The following PACRG variants were observed in gnomAD, a reference collection of about 807,000 sequenced individuals.
PACRG encodes the protein parkin coregulated gene protein.
Under a neutral mutation model 29.7 loss-of-function variants are expected in PACRG, and 29 were observed. The ratio of observed to expected loss-of-function variants is 0.98; its 90% CI spans 0.73 to 1.33. PACRG has a LOEUF of 1.33. PACRG is among the 40% of genes most tolerant of loss of function. The probability of loss-of-function intolerance (pLI) is 0.00; values close to 1 mark genes in which losing one functional copy is unlikely to be tolerated. For missense variants in PACRG, 279 were observed against 316.2 expected (o/e 0.88, Z 0.89); for synonymous variants, 116 against 118.7 (o/e 0.98, Z 0.15).
At chr6:162,944,174 C>T (rs1265668353) in intron 2 of PACRG, among the ~76,000 whole-genome samples, 4 of 152,198 alleles carry the variant, frequency 2.6e-5, no homozygotes, top group Admixed American at 2.0e-4. Flanking sequence ...CTAGTAATAA[C>T]TACCGTAAGC....
chr6:162,974,641 T>C (rs1298470873), intron 2 of PACRG, among the ~76,000 whole-genome samples: 1 of 152,246 alleles, frequency 6.6e-6, no homozygotes, highest in African/African-American at 2.4e-5. Flanking sequence ...CTGTTTCCTA[T>C]TGACATGCAT....
intron 4 of PACRG, among the ~76,000 whole-genome samples, chr6:163,134,968 T>A: frequency 6.6e-6 from 1 of 152,286 alleles, no homozygotes; most frequent in South Asian, 2.1e-4. Flanking sequence ...CTCCCTACTC[T>A]GAGGTGATGA....
At chr6:162,958,795 CATAT>C (rs1272816852) in intron 2 of PACRG, among the ~76,000 whole-genome samples, 4 of 141,862 alleles carry the variant, frequency 2.8e-5, no homozygotes, top group South Asian at 2.3e-4. Context: ...TATACACACA[CATAT>C]ATATAGCATA....
intron 1 of PACRG, among the ~76,000 whole-genome samples, chr6:162,732,367 T>A (rs1779837632): frequency 6.6e-6 from 1 of 152,172 alleles, no homozygotes; most frequent in South Asian, 2.1e-4. Flanking sequence ...TATGAGGGCA[T>A]GTCCCAGAAA....
chr6:163,085,334 G>A (rs1025373313), intron 3 of PACRG, among the ~76,000 whole-genome samples: 3 of 152,162 alleles, frequency 2.0e-5, no homozygotes, highest in African/African-American at 7.2e-5. Context: ...CTTAAGGAGT[G>A]GGATGGGAAG....
chr6:162,825,209 G>T (rs1442429754), intron 2 of PACRG, among the ~76,000 whole-genome samples: 6 of 151,964 alleles, frequency 3.9e-5, no homozygotes, highest in African/African-American at 1.5e-4. Context: ...GTTCTACTCT[G>T]TACTTTGAAA....
At chr6:162,926,302 AC>A in intron 2 of PACRG, among the ~76,000 whole-genome samples, 2 of 152,274 alleles carry the variant, frequency 1.3e-5, no homozygotes, top group Middle Eastern at 6.8e-3. Context: ...TAGAAAAAAA[AC>A]TACTTTAAAA....
chr6:163,032,400 G>A (rs1012413676), intron 2 of PACRG, among the ~76,000 whole-genome samples: 1 of 152,092 alleles, frequency 6.6e-6, no homozygotes, highest in Non-Finnish European at 1.5e-5. Flanking sequence ...GCATTCAAGA[G>A]CACCTGTCAA....
At chr6:162,870,200 A>T (rs1792680785) in intron 2 of PACRG, among the ~76,000 whole-genome samples, 1 of 152,218 alleles carries the variant, frequency 6.6e-6, no homozygotes, top group Non-Finnish European at 1.5e-5. Flanking sequence ...TATTTTTCAC[A>T]TGCAGGGAAT....
intron 2 of PACRG, among the ~76,000 whole-genome samples, chr6:162,884,884 A>T (rs186209929): frequency 6.6e-6 from 1 of 152,316 alleles, no homozygotes; most frequent in East Asian, 1.9e-4. Context: ...GCCCAAGCTC[A>T]TCTATTAGCA....
chr6:163,168,668 G>C (rs1030097551), intron 4 of PACRG, among the ~76,000 whole-genome samples: 1 of 152,182 alleles, frequency 6.6e-6, no homozygotes, highest in Non-Finnish European at 1.5e-5. Flanking sequence ...CTGAGACTGA[G>C]TGTGGGTTTT....
At chr6:163,265,418 G>A (rs565246413) in intron 4 of PACRG, among the ~76,000 whole-genome samples, 4 of 152,232 alleles carry the variant, frequency 2.6e-5, no homozygotes, top group Non-Finnish European at 4.4e-5. Flanking sequence ...GGCACTCTTC[G>A]GGCCCGTGGG....
intron 2 of PACRG, among the ~76,000 whole-genome samples, chr6:162,818,014 C>CT (rs911952798): frequency 1.5e-4 from 23 of 151,052 alleles, no homozygotes; most frequent in Admixed American, 2.6e-4. Flanking sequence ...CCAGGAATAG[C>CT]TTTTTTTTTA....
chr6:162,872,086 T>C (rs116338678), intron 2 of PACRG, among the ~76,000 whole-genome samples: 1,817 of 152,344 alleles, frequency 0.012, 36 homozygotes, highest in African/African-American at 0.042. Context: ...TGTGACATTA[T>C]GTTTTCCATC....
chr6:162,822,655 A>C (rs1364581888), intron 2 of PACRG, among the ~76,000 whole-genome samples: 1 of 152,122 alleles, frequency 6.6e-6, no homozygotes, highest in East Asian at 1.9e-4. Flanking sequence ...CTCTCTGTTC[A>C]TTCATAGTTT....
At chr6:163,196,702 A>C (rs2128364737) in intron 4 of PACRG, among the ~76,000 whole-genome samples, 1 of 152,338 alleles carries the variant, frequency 6.6e-6, no homozygotes, top group Admixed American at 6.5e-5. Flanking sequence ...AAATAAACAG[A>C]TACATGTGCA....
intron 1 of PACRG, among the ~76,000 whole-genome samples, chr6:162,755,674 T>C (rs1429445047): frequency 6.6e-6 from 1 of 152,172 alleles, no homozygotes; most frequent in Non-Finnish European, 1.5e-5. Flanking sequence ...TGACCTCAAA[T>C]GGTCCACCCA....
chr6:162,906,686 T>TCAAAAGAC (rs1473300026), intron 2 of PACRG, among the ~76,000 whole-genome samples: 6 of 152,218 alleles, frequency 3.9e-5, no homozygotes, highest in African/African-American at 7.2e-5. Context: ...TACAGGCATC[T>TCAAAAGAC]CAAAAGACGT....
intron 2 of PACRG, chr6:162,957,351 G>T: frequency 1.6e-6 from 1 of 614,910 alleles, no homozygotes; most frequent in South Asian, 1.9e-5. Flanking sequence ...AACCACCACA[G>T]GCCCTGCTGA....
Sources: allele counts gnomAD v4.1 joint callset (sites outside exome capture counted in the v4.1 genomes callset), GRCh38; gene constraint gnomAD v4.1.1; transcripts MANE v1.5; gene names NCBI Gene and HGNC (gene_info 2026-07-23, HGNC 2026-07-21).